Variants in SUGCT observed in about 807,000 individuals in gnomAD.
The protein encoded by SUGCT is succinyl-CoA:glutarate-CoA transferase.
Under a neutral mutation model 55.0 loss-of-function variants are expected in SUGCT, and 41 were observed. The ratio of observed to expected loss-of-function variants is 0.74; its 90% CI spans 0.58 to 0.97. The LOEUF is 0.97. Ranked by LOEUF, SUGCT falls within the 50% of genes least tolerant of loss-of-function variation. The pLI, the probability that SUGCT is intolerant of heterozygous loss-of-function variation, is 0.00. For missense variants in SUGCT, 568 were observed against 547.8 expected, an observed-to-expected ratio of 1.04 and a Z score of -0.37; for synonymous variants, 187 against 200.4, an observed-to-expected ratio of 0.93 and a Z score of 0.56.
chr7:40,680,756 A>G (rs76240063), intron 12 of SUGCT, among the ~76,000 whole-genome samples: 102 of 152,288 alleles, frequency 6.7e-4, no homozygotes, highest in Non-Finnish European at 1.2e-3. Flanking sequence ...TGGTGACCAT[A>G]GTTACCATAT....
intron 9 of SUGCT, among the ~76,000 whole-genome samples, chr7:40,320,421 T>C (rs1331144890): frequency 6.6e-6 from 1 of 152,188 alleles, no homozygotes; most frequent in Non-Finnish European, 1.5e-5. Flanking sequence ...TAGATATGTT[T>C]CCCAGCCCTT....
chr7:40,823,044 A>G (rs1372935532), intron 13 of SUGCT, among the ~76,000 whole-genome samples: 2 of 152,106 alleles, frequency 1.3e-5, no homozygotes, highest in African/African-American at 4.8e-5. Context: ...CTTGATTGTG[A>G]TGTCCCTCAT....
chr7:40,798,421 G>A (rs534273650), intron 13 of SUGCT, among the ~76,000 whole-genome samples: 213 of 152,152 alleles, frequency 1.4e-3, no homozygotes, highest in African/African-American at 4.9e-3. Flanking sequence ...TTTTTAAAAG[G>A]GAAAATATGT....
At chr7:40,766,279 C>T (rs1294720562) in intron 13 of SUGCT, among the ~76,000 whole-genome samples, 1 of 152,166 alleles carries the variant, frequency 6.6e-6, no homozygotes, top group Non-Finnish European at 1.5e-5. Flanking sequence ...GGCGTGATCT[C>T]TGCTCGCTGG....
the SUGCT span, among the ~76,000 whole-genome samples, chr7:40,975,027 T>C: frequency 6.6e-6 from 1 of 152,050 alleles, no homozygotes; most frequent in African/African-American, 2.4e-5. Flanking sequence ...GTCAATAAAC[T>C]CTTGTTATAG....
intron 12 of SUGCT, among the ~76,000 whole-genome samples, chr7:40,657,945 C>A (rs1244386102): frequency 6.6e-6 from 1 of 152,158 alleles, no homozygotes; most frequent in Non-Finnish European, 1.5e-5. Flanking sequence ...GGGATGATAA[C>A]CTCAGTCAGA....
intron 12 of SUGCT, among the ~76,000 whole-genome samples, chr7:40,502,141 C>T (rs551455559): frequency 6.0e-4 from 91 of 152,092 alleles, no homozygotes; most frequent in Non-Finnish European, 8.7e-4. Context: ...CTCTGTTTCT[C>T]GCTCTTTCTC....
chr7:40,966,076 A>G, the SUGCT span: 2 of 152,234 alleles, frequency 1.3e-5, no homozygotes, highest in African/African-American at 2.4e-5. Context: ...GGCCATCACA[A>G]TCATTCAATA....
At chr7:40,460,050 TAGCCTTTTGAA>T (rs1232954161) in intron 11 of SUGCT, among the ~76,000 whole-genome samples, 1 of 152,180 alleles carries the variant, frequency 6.6e-6, no homozygotes, top group African/African-American at 2.4e-5. Flanking sequence ...ATACCATATT[TAGCCTTTTGAA>T]AAGGCTCAAG....
intron 12 of SUGCT, among the ~76,000 whole-genome samples, chr7:40,558,111 A>AC (rs34890108): frequency 0.022 from 3,280 of 151,304 alleles, 109 homozygotes; most frequent in African/African-American, 0.077. Flanking sequence ...AAAAAAAAAA[A>AC]CCAGAAAATA....
chr7:40,762,969 T>G (rs548400775), intron 13 of SUGCT, among the ~76,000 whole-genome samples: 1 of 152,032 alleles, frequency 6.6e-6, no homozygotes, highest in Non-Finnish European at 1.5e-5. Flanking sequence ...CCCACCGTCA[T>G]GCCCAGCTAA....
chr7:40,274,013 T>G (rs1274759447), intron 7 of SUGCT, among the ~76,000 whole-genome samples: 1 of 151,814 alleles, frequency 6.6e-6, no homozygotes, highest in Admixed American at 6.6e-5. Context: ...GCAAACACTG[T>G]TAGTATTTTT....
At chr7:40,404,539 C>T (rs1786256159) in intron 9 of SUGCT, among the ~76,000 whole-genome samples, 1 of 151,908 alleles carries the variant, frequency 6.6e-6, no homozygotes, top group African/African-American at 2.4e-5. Flanking sequence ...CTGGGTTAAG[C>T]GATTCTCCTG....
At chr7:40,635,882 T>G (rs908803489) in intron 12 of SUGCT, among the ~76,000 whole-genome samples, 1 of 152,220 alleles carries the variant, frequency 6.6e-6, no homozygotes, top group African/African-American at 2.4e-5. Context: ...AACTTTGGAT[T>G]TAAGTTACTG....
At chr7:41,010,380 TA>T in the SUGCT span, among the ~76,000 whole-genome samples, 1 of 151,916 alleles carries the variant, frequency 6.6e-6, no homozygotes, top group East Asian at 1.9e-4. Flanking sequence ...CATAGTGGAG[TA>T]AAAAAATGGA....
chr7:40,671,874 A>G (rs1248482195), intron 12 of SUGCT, among the ~76,000 whole-genome samples: 1 of 152,212 alleles, frequency 6.6e-6, no homozygotes, highest in Non-Finnish European at 1.5e-5. Context: ...GATCTAGTCC[A>G]GCTTAAACAA....
chr7:40,715,277 G>A (rs2128676944), intron 12 of SUGCT, among the ~76,000 whole-genome samples: 1 of 152,298 alleles, frequency 6.6e-6, no homozygotes, highest in East Asian at 1.9e-4. Flanking sequence ...AGGTATTGAT[G>A]CGGGGTGGGA....
At chr7:40,472,267 A>G (rs1044317949) in intron 11 of SUGCT, among the ~76,000 whole-genome samples, 3 of 152,180 alleles carry the variant, frequency 2.0e-5, no homozygotes, top group Admixed American at 2.0e-4. Flanking sequence ...CACAATCATG[A>G]AATAGTGCAA....
intron 7 of SUGCT, among the ~76,000 whole-genome samples, chr7:40,245,731 C>G (rs938938114): frequency 6.6e-6 from 1 of 151,858 alleles, no homozygotes; most frequent in Non-Finnish European, 1.5e-5. Flanking sequence ...AGCCACTGTG[C>G]CCGGCATAGT....
Sources: allele counts gnomAD v4.1 joint callset (sites outside exome capture counted in the v4.1 genomes callset), GRCh38; gene constraint gnomAD v4.1.1; transcripts MANE v1.5; gene names NCBI Gene and HGNC (gene_info 2026-07-23, HGNC 2026-07-21).